Variants in ZMYM2 observed in about 807,000 individuals in gnomAD.
ZMYM2 encodes the protein zinc finger MYM-type protein 2.
ZMYM2 carries 56 observed loss-of-function variants against 162.8 expected under a neutral mutation model. The observed-to-expected ratio is 0.34, with a 90% confidence interval of 0.28 to 0.43. The LOEUF is 0.43. Among genes scored for constraint, ZMYM2 ranks in the 20% least tolerant of loss-of-function variants. The pLI is 1.00. For missense variants in ZMYM2, 1,275 were observed against 1,621.8 expected, an observed-to-expected ratio of 0.79 and a Z score of 3.67; for synonymous variants, 510 against 541.6, an observed-to-expected ratio of 0.94 and a Z score of 0.81.
intron 6 of ZMYM2, among the ~76,000 whole-genome samples, chr13:20,010,231 T>G (rs1213565297): frequency 6.6e-6 from 1 of 152,222 alleles, no homozygotes; most frequent in Non-Finnish European, 1.5e-5. Context: ...AGTCTCGCTC[T>G]GTTACCCAGG....
the ZMYM2 span, among the ~76,000 whole-genome samples, chr13:19,912,355 C>G: frequency 8.1e-6 from 1 of 122,912 alleles, no homozygotes; most frequent in South Asian, 2.8e-4. Context: ...TTTTTTGAGA[C>G]AGGGTCTCAC....
At chr13:20,054,648 A>T (rs557426434) in intron 14 of ZMYM2, among the ~76,000 whole-genome samples, 1 of 152,310 alleles carries the variant, frequency 6.6e-6, no homozygotes, top group African/African-American at 2.4e-5. Context: ...AAAGTAAAAA[A>T]CATTCTAAAA....
intron 10 of ZMYM2, 134 bp downstream of exon 10, chr13:20,031,569 A>G (rs1953139786): frequency 1.6e-6 from 1 of 613,788 alleles, no homozygotes; most frequent in African/African-American, 1.9e-5. Context: ...TTATGATTGG[A>G]TTATTTATTC....
chr13:20,045,107 T>G (rs1261935410), intron 12 of ZMYM2, among the ~76,000 whole-genome samples: 1 of 149,700 alleles, frequency 6.7e-6, no homozygotes, highest in African/African-American at 2.5e-5. Flanking sequence ...GACTTCAAAT[T>G]TGTTAAGGCC....
chr13:20,018,953 G>A (rs1439704473), intron 6 of ZMYM2, among the ~76,000 whole-genome samples: 2 of 151,680 alleles, frequency 1.3e-5, no homozygotes, highest in East Asian at 1.9e-4. Flanking sequence ...AGTGGCAGGC[G>A]CCTGTAATCC....
chr13:19,912,292 G>GTTTTTTTTTTTTTTTTTTTTTTTTCTTTT, the ZMYM2 span, among the ~76,000 whole-genome samples: 1 of 75,714 alleles, frequency 1.3e-5, no homozygotes, highest in Non-Finnish European at 2.5e-5. Context: ...TGTTTTTTGG[G>GTTTTTTTTTTTTTTTTTTTTTTTTCTTTT]TTTTTTTTTT....
intron 2 of ZMYM2, among the ~76,000 whole-genome samples, chr13:19,989,770 A>G (rs1194755632): frequency 6.6e-6 from 1 of 152,176 alleles, no homozygotes; most frequent in Non-Finnish European, 1.5e-5. Flanking sequence ...TTCTGTGCCC[A>G]TTAACCCCCA....
the ZMYM2 span, among the ~76,000 whole-genome samples, chr13:19,883,491 T>TA: frequency 6.6e-6 from 1 of 152,154 alleles, no homozygotes; most frequent in Non-Finnish European, 1.5e-5. Context: ...ACGTGTAAAA[T>TA]AAAAGGCTGA....
chr13:19,896,775 GA>G, the ZMYM2 span, among the ~76,000 whole-genome samples: 19 of 138,992 alleles, frequency 1.4e-4, no homozygotes, highest in Non-Finnish European at 2.5e-4. Context: ...AAAAAAAAAA[GA>G]AAAAAAAAGA....
chr13:20,046,607 G>GTGTGTATA (rs781273129), intron 12 of ZMYM2, among the ~76,000 whole-genome samples: 29 of 104,370 alleles, frequency 2.8e-4, no homozygotes, highest in African/African-American at 7.8e-4. Context: ...GTGTGTGTGT[G>GTGTGTATA]TATATATATG....
At chr13:19,952,874 A>G in the ZMYM2 span, among the ~76,000 whole-genome samples, 1 of 152,214 alleles carries the variant, frequency 6.6e-6, no homozygotes, top group African/African-American at 2.4e-5. Flanking sequence ...TGTCCCCTCC[A>G]CAGCTCATGT....
intron 6 of ZMYM2, among the ~76,000 whole-genome samples, chr13:20,017,152 T>C (rs955186337): frequency 5.9e-5 from 9 of 152,314 alleles, no homozygotes; most frequent in African/African-American, 1.2e-4. Context: ...GGTGTCTAAT[T>C]ACCACCCAGT....
intron 12 of ZMYM2, among the ~76,000 whole-genome samples, chr13:20,040,348 C>T (rs2140414786): frequency 6.6e-6 from 1 of 152,234 alleles, no homozygotes; most frequent in East Asian, 1.9e-4. Flanking sequence ...TTGTCCATTT[C>T]TTCTAGATTT....
At position 20,080,098 on chromosome 13, in the gene ZMYM2, A is replaced by G. The variant is rs1342754911; in HGVS notation, c.3454-1918A>G. ...TAAGCAATCACTGCTGTTCTCATTC[A>G]TAACAATGAGGATCTCCAGGTAGTT... On this transcript the variant is annotated intron_variant, in intron 21 of 24. Transcript: ENST00000610343. Among the ~76,000 whole-genome samples the G allele has an allele frequency of 2.0e-5, 3 of 152,230 alleles. No homozygotes were observed. In the East Asian group the frequency reaches 5.8e-4, roughly 29 times the overall value.
the ZMYM2 span, among the ~76,000 whole-genome samples, chr13:19,940,693 A>G: frequency 6.6e-6 from 1 of 152,316 alleles, no homozygotes; most frequent in South Asian, 2.1e-4. Context: ...TTCCTTGACT[A>G]CAATTCAATT....
At chr13:20,060,558 A>T (rs1441630290) in intron 16 of ZMYM2, among the ~76,000 whole-genome samples, 1 of 152,092 alleles carries the variant, frequency 6.6e-6, no homozygotes, top group Admixed American at 6.5e-5. Flanking sequence ...CATGCCTGTA[A>T]TCCCAGCTGC....
intron 2 of ZMYM2, among the ~76,000 whole-genome samples, chr13:19,967,970 C>T (rs989811040): frequency 3.3e-5 from 5 of 152,178 alleles, no homozygotes; most frequent in African/African-American, 1.2e-4. Flanking sequence ...GTCTGCAGTG[C>T]TTTATCCTCC....
intron 7 of ZMYM2, among the ~76,000 whole-genome samples, chr13:20,022,679 G>A (rs1024777848): frequency 6.6e-6 from 1 of 152,126 alleles, no homozygotes; most frequent in Non-Finnish European, 1.5e-5. Context: ...TCTCTGCACA[G>A]ACAAATCTTG....
At chr13:19,880,766 ACT>A in the ZMYM2 span, among the ~76,000 whole-genome samples, 101 of 152,198 alleles carry the variant, frequency 6.6e-4, 2 homozygotes, top group South Asian at 0.021. Flanking sequence ...TGGATTGTTC[ACT>A]GTTAGTGTGT....
Sources: allele counts gnomAD v4.1 joint callset (sites outside exome capture counted in the v4.1 genomes callset), GRCh38; gene constraint gnomAD v4.1.1; transcripts MANE v1.5; gene names NCBI Gene and HGNC (gene_info 2026-07-23, HGNC 2026-07-21).